Variants in ANKH observed in about 807,000 individuals in gnomAD.
ANKH encodes ANKH inorganic pyrophosphate transport regulator.
In ANKH, 15 loss-of-function variants were observed where a neutral mutation model predicts 49.0. The ratio of observed to expected loss-of-function variants is 0.31; its 90% CI spans 0.20 to 0.47. The LOEUF (loss-of-function observed/expected upper bound fraction) is 0.47, where lower values mean the gene tolerates loss of function less well. Ranked by LOEUF, ANKH falls within the 20% of genes least tolerant of loss-of-function variation. ANKH has a pLI of 1.00. For synonymous variants in ANKH, 273 were observed against 260.0 expected, an observed-to-expected ratio of 1.05 and a Z score of -0.48; for missense variants, 429 against 652.0, an observed-to-expected ratio of 0.66 and a Z score of 3.72.
At chr5:14,767,644 T>C (rs942804814) in intron 2 of ANKH, among the ~76,000 whole-genome samples, 11 of 152,220 alleles carry the variant, frequency 7.2e-5, no homozygotes, top group African/African-American at 2.2e-4. Context: ...ATTAGCTGTT[T>C]AGTCCCAAAG....
chr5:14,737,471 G>T lies in ANKH; in HGVS notation c.1011+4356C>A, dbSNP rs1447610457. Reference sequence around the variant, plus strand: ...GTGGCTCCAGGAGTGTCTACCTAGAGAAGCACAGCCTTTTAGGGCACACTC... The same window carrying T: ...GTGGCTCCAGGAGTGTCTACCTAGATAAGCACAGCCTTTTAGGGCACACTC... On this transcript the variant is annotated intron_variant, in intron 8 of 11. Transcript: ENST00000284268. The surrounding 1 kb of genome is among the most constrained non-coding windows in gnomAD (Gnocchi z 5.0). 6.6e-6 allele frequency among the ~76,000 whole-genome samples: 1 copy of T among 152,162 alleles called. No individual in the cohort carries two copies. The highest frequency in any genetic ancestry group is 1.5e-5 in the Non-Finnish European group (1 of 68,028).
Position 14,758,528 on chromosome 5 carries a change from C to T in ANKH, c.384G>A (p.Thr128=), listed in dbSNP as rs751012581. 20 of 1,613,994 alleles carry T rather than the reference C, an allele frequency of 1.2e-5. No individual in the cohort carries two copies. Among genetic ancestry groups the T allele is most frequent in the African/African-American group, 2.7e-5 (2 of 74,886 alleles). The change falls in exon 3 of 12, where the codon ACG becomes ACA. Residue 128 remains threonine, a synonymous_variant. Coordinates refer to ENST00000284268, the MANE Select transcript of ANKH (RefSeq NM_054027.6). ...CGGCGAGGTACAGGAAGGCCCTTCT[C>T]GTCTTGCTCCCCACCGACTCGTCCA... The part of the protein sequence containing the change: ...HHVDESVGSK[T]RRAFLYLAAF...
In ANKH at chr5:14,737,268, C is replaced by T. The variant is rs1010247920; in HGVS notation, c.1011+4559G>A. 3.9e-5 allele frequency among the ~76,000 whole-genome samples: 6 copies of T among 152,184 alleles called. No homozygotes were observed. The highest frequency in any genetic ancestry group is 1.2e-4 in the African/African-American group (5 of 41,444). On this transcript the variant is annotated intron_variant, in intron 8 of 11. Coordinates refer to ENST00000284268, the MANE Select transcript of ANKH (RefSeq NM_054027.6). The surrounding 1 kb of genome is among the most constrained non-coding windows in gnomAD (Gnocchi z 5.0). The stretch of plus-strand genomic sequence containing the variant: ...GACTGTTGGAAGATACAGCCCATGC[C>T]GGTGAGTGGTTTCTATCTTATCCCC...
chr5:14,787,411 A>T (rs1429606191), intron 1 of ANKH, among the ~76,000 whole-genome samples: 1 of 152,170 alleles, frequency 6.6e-6, no homozygotes, highest in Non-Finnish European at 1.5e-5. Context: ...TTAAAAACAT[A>T]AAAAAAGACC....
intron 2 of ANKH, 147 bp downstream of exon 2, chr5:14,768,828 C>T (rs1038110903): frequency 2.7e-5 from 23 of 861,696 alleles, no homozygotes; most frequent in Admixed American, 1.0e-4. Flanking sequence ...GGAGCACAAG[C>T]GCTTTCCTTC....
intron 1 of ANKH, chr5:14,797,670 CCAAA>C (rs1184051522): frequency 6.3e-7 from 1 of 1,598,132 alleles, no homozygotes; most frequent in African/African-American, 1.3e-5. Context: ...AGCAACTGAC[CCAAA>C]CAGAGACTCA....
chr5:14,790,622 A>T (rs1740131850), intron 1 of ANKH, among the ~76,000 whole-genome samples: 1 of 152,176 alleles, frequency 6.6e-6, no homozygotes, highest in African/African-American at 2.4e-5. Context: ...TTATTTTCAT[A>T]TTCATCCCTG....
At chr5:14,805,252 A>G (rs959929495) in intron 1 of ANKH, among the ~76,000 whole-genome samples, 1 of 151,630 alleles carries the variant, frequency 6.6e-6, no homozygotes, top group Non-Finnish European at 1.5e-5. Context: ...GCCCTCGAAC[A>G]TCAGACTCCA....
At position 14,721,854 on chromosome 5, in the gene ANKH, G is replaced by C. The variant is rs572208235; in HGVS notation, c.1012-5019C>G. On this transcript the variant is annotated intron_variant, in intron 8 of 11. Coordinates refer to ENST00000284268, the MANE Select transcript of ANKH (RefSeq NM_054027.6). ...CTGAGGCAGGAGAATGGCGTGAATCGGGGAGGCGGAGCTTGCAGTGAGCTG... is the reference window on the plus strand; with the variant it reads ...CTGAGGCAGGAGAATGGCGTGAATCCGGGAGGCGGAGCTTGCAGTGAGCTG... Among the ~76,000 whole-genome samples the C allele has an allele frequency of 1.5e-4, 23 of 151,242 alleles. No homozygotes were observed. In the South Asian group the frequency reaches 3.8e-3, roughly 25 times the overall value.
intron 9 of ANKH, among the ~76,000 whole-genome samples, chr5:14,716,427 G>T (rs1737462062): frequency 6.6e-6 from 1 of 152,168 alleles, no homozygotes. Flanking sequence ...GGGAGGCAGA[G>T]GTTGCAGTGA....
intron 8 of ANKH, among the ~76,000 whole-genome samples, chr5:14,731,914 G>A (rs1265132858): frequency 6.6e-6 from 1 of 152,230 alleles, no homozygotes; most frequent in Non-Finnish European, 1.5e-5. Context: ...GGAGAGACGA[G>A]ACACACGGGA....
intron 1 of ANKH, among the ~76,000 whole-genome samples, chr5:14,858,730 TAAATAAATAAATAAATAAATAAATAAATA>T (rs1735379546): frequency 1.0e-5 from 1 of 95,912 alleles, no homozygotes; most frequent in Non-Finnish European, 2.2e-5. Flanking sequence ...AATAAATAAA[TAAATAAATAAATAAATAAATAAATAAATA>T]AAATAAAATA....
chr5:14,784,587 C>G (rs1311523763), intron 1 of ANKH, among the ~76,000 whole-genome samples: 2 of 152,120 alleles, frequency 1.3e-5, no homozygotes, highest in Non-Finnish European at 2.9e-5. Flanking sequence ...AACTGTAGTG[C>G]CCTCATAAAG....
At chr5:14,754,683 C>T (rs1319495576) in intron 4 of ANKH, among the ~76,000 whole-genome samples, 1 of 152,114 alleles carries the variant, frequency 6.6e-6, no homozygotes, top group Non-Finnish European at 1.5e-5. Flanking sequence ...AATTATTGGT[C>T]TTCAGGGAAG....
intron 1 of ANKH, among the ~76,000 whole-genome samples, chr5:14,799,641 A>T (rs565036312): frequency 6.6e-6 from 1 of 152,346 alleles, no homozygotes; most frequent in East Asian, 1.9e-4. Context: ...GGATGACAGC[A>T]CATCTGTATA....
At chr5:14,832,750 T>C (rs1249464582) in intron 1 of ANKH, among the ~76,000 whole-genome samples, 1 of 152,236 alleles carries the variant, frequency 6.6e-6, no homozygotes, top group Non-Finnish European at 1.5e-5. Context: ...AATAACGATC[T>C]TTGTAACATT....
At chr5:14,842,527 C>T (rs1275941668) in intron 1 of ANKH, among the ~76,000 whole-genome samples, 1 of 152,144 alleles carries the variant, frequency 6.6e-6, no homozygotes, top group Non-Finnish European at 1.5e-5. Context: ...GCCTATAGGA[C>T]ACAGACTCTC....
chr5:14,809,354 A>AAAAAAAAAAAAAAAAAAAG (rs1561065397), intron 1 of ANKH, among the ~76,000 whole-genome samples: 6 of 130,252 alleles, frequency 4.6e-5, no homozygotes, highest in Non-Finnish European at 6.4e-5. Flanking sequence ...AAAAAAAAAA[A>AAAAAAAAAAAAAAAAAAAG]AAAGAAAAAA....
At chr5:14,769,282 T>C in intron 1 of ANKH, 91 bp from the exon 2 acceptor site, 1 of 1,110,662 alleles carries the variant, frequency 9.0e-7, no homozygotes, top group Admixed American at 2.0e-5. Flanking sequence ...GCAGATCACG[T>C]TTCTATAGAA....
Sources: allele counts gnomAD v4.1 joint callset (sites outside exome capture counted in the v4.1 genomes callset), GRCh38; gene constraint gnomAD v4.1.1; non-coding constraint Gnocchi (gnomAD v3.1); transcripts MANE v1.5; gene names NCBI Gene and HGNC (gene_info 2026-07-23, HGNC 2026-07-21).